The following HUWE1 variants were observed in gnomAD, a reference collection of about 807,000 sequenced individuals.
HUWE1 encodes the protein HECT, UBA and WWE domain containing E3 ubiquitin protein ligase 1, also known as E3 ubiquitin-protein ligase HUWE1.
Under a neutral mutation model 299.4 loss-of-function variants are expected in HUWE1, and 18 were observed. The ratio of observed to expected loss-of-function variants is 0.06; its 90% CI spans 0.04 to 0.09. HUWE1 has a LOEUF of 0.09. Ranked by LOEUF, HUWE1 falls within the 10% of genes least tolerant of loss-of-function variation. The probability of loss-of-function intolerance (pLI) is 1.00; values close to 1 mark genes in which losing one functional copy is unlikely to be tolerated. For synonymous variants in HUWE1, 1,317 were observed against 1,286.1 expected, an observed-to-expected ratio of 1.02 and a Z score of -0.51; for missense variants, 1,832 against 3,462.3, an observed-to-expected ratio of 0.53 and a Z score of 11.82.
chrX:53,609,321 C>T (rs1253950216), intron 23 of HUWE1, among the ~76,000 whole-genome samples: 2 of 112,192 alleles, frequency 1.8e-5, no homozygotes, highest in African/African-American at 6.5e-5. Context: ...CACATGAGAA[C>T]ACTAAAAATA....
At chrX:53,575,072 C>T in intron 46 of HUWE1, 83 bp downstream of exon 46, 1 of 669,164 alleles carries the variant, frequency 1.5e-6, no homozygotes, top group Non-Finnish European at 2.4e-6. Context: ...TATTCTCCTA[C>T]CCCCTGCACA....
In HUWE1 at chrX:53,677,187, G is replaced by C. The variant is rs781858136; in HGVS notation, c.-25+2862C>G. 1.1e-4 allele frequency among the ~76,000 whole-genome samples: 11 copies of C among 100,308 alleles called. No homozygotes were observed. In the South Asian group the frequency reaches 5.0e-3, roughly 46 times the overall value. The allele number at this position is 100,308 out of a possible 115,157, so 87.1% of individuals were successfully genotyped here. On this transcript the variant is annotated intron_variant, in intron 3 of 83. Transcript: ENST00000262854. ...TGCAGGAAATAGAGAAGTATCACCT[G>C]GGAACTTATCAGAAATGCAAAATCT... is the stretch of plus-strand genomic sequence containing the variant.
chrX:53,598,241 T>C (rs1441328432), intron 29 of HUWE1, among the ~76,000 whole-genome samples: 2 of 112,071 alleles, frequency 1.8e-5, no homozygotes, highest in African/African-American at 6.5e-5. Context: ...AGAATACTTT[T>C]GACTTTTTAT....
intron 26 of HUWE1, among the ~76,000 whole-genome samples, chrX:53,604,341 A>C (rs1375832695): frequency 2.7e-5 from 3 of 112,029 alleles, no homozygotes; most frequent in African/African-American, 9.7e-5. Flanking sequence ...CTAAGGCCAG[A>C]TGAATACCCA....
At chrX:53,601,453 G>C (rs183084783) in intron 28 of HUWE1, among the ~76,000 whole-genome samples, 1 of 110,465 alleles carries the variant, frequency 9.1e-6, no homozygotes, top group African/African-American at 3.3e-5. Flanking sequence ...CAAAGTGTTG[G>C]GATTAGAGAC....
intron 58 of HUWE1, 44 bp from the exon 59 acceptor site, chrX:53,558,853 A>G (rs1556938000): frequency 8.3e-7 from 1 of 1,201,913 alleles, no homozygotes; most frequent in South Asian, 1.8e-5. Context: ...TGGTGGGGTC[A>G]GGGAGGAAGC....
intron 13 of HUWE1, 123 bp downstream of exon 13, chrX:53,629,393 T>G (rs782538543): frequency 3.9e-5 from 20 of 514,590 alleles, no homozygotes; most frequent in Non-Finnish European, 6.6e-5. Flanking sequence ...TTGGGTCCCA[T>G]GCCCAAGATG....
chrX:53,598,032 C>G (rs377458049), intron 29 of HUWE1, among the ~76,000 whole-genome samples: 9 of 111,594 alleles, frequency 8.1e-5, no homozygotes, highest in East Asian at 2.8e-4. Context: ...AAAAAAAGGT[C>G]ATGGGTGAAG....
At chrX:53,555,350 CAG>C (rs1556933543) in intron 60 of HUWE1, among the ~76,000 whole-genome samples, 2 of 111,574 alleles carry the variant, frequency 1.8e-5, no homozygotes, top group African/African-American at 6.5e-5. Context: ...TTTTTGGAGA[CAG>C]GGTCTCACTG....
intron 58 of HUWE1, 49 bp downstream of exon 58, chrX:53,558,922 C>T: frequency 8.5e-7 from 1 of 1,176,828 alleles, no homozygotes; most frequent in African/African-American, 1.8e-5. Context: ...CACGTTTGCC[C>T]TAGCTCTGGA....
At chrX:53,601,355 T>C (rs2064827860) in intron 28 of HUWE1, among the ~76,000 whole-genome samples, 1 of 109,272 alleles carries the variant, frequency 9.2e-6, no homozygotes, top group Non-Finnish European at 1.9e-5. Context: ...CTAATTTTTG[T>C]ATTTTTTTTG....
intron 2 of HUWE1, among the ~76,000 whole-genome samples, chrX:53,681,448 A>G (rs1420963417): frequency 9.1e-6 from 1 of 109,633 alleles, no homozygotes; most frequent in African/African-American, 3.3e-5. Context: ...AAAAAAAAAA[A>G]GTAAGGAAAA....
intron 16 of HUWE1, 101 bp downstream of exon 16, chrX:53,627,638 C>G: frequency 1.1e-6 from 1 of 894,252 alleles, no homozygotes; most frequent in South Asian, 2.3e-5. Flanking sequence ...TTTCTAGAAA[C>G]AGAAGAGACT....
At chrX:53,680,332 TA>T (rs1311427403) in intron 2 of HUWE1, 146 bp from the exon 3 acceptor site, 5 of 268,853 alleles carry the variant, frequency 1.9e-5, no homozygotes, top group Non-Finnish European at 3.3e-5. Flanking sequence ...TTGCATTTTT[TA>T]GGACCTGCTT....
chrX:53,593,003 A>G (rs2064247439), intron 32 of HUWE1, among the ~76,000 whole-genome samples: 1 of 112,140 alleles, frequency 8.9e-6, no homozygotes, highest in Non-Finnish European at 1.9e-5. Context: ...ACCTTCCGCC[A>G]TGACTGTGAA....
rs782305025 is a variant in HUWE1, at chrX:53,593,353, T to G, written c.3741+11A>C. 1 of 1,096,405 alleles carries G rather than the reference T, an allele frequency of 9.1e-7. No homozygotes were observed. The highest frequency in any genetic ancestry group is 1.8e-5 in the African/African-American group (1 of 55,119). The allele number at this position is 1,096,405 out of a possible 1,213,427, so 90.4% of individuals were successfully genotyped here. A position where few individuals can be genotyped will look rare whatever the true frequency, so the allele number is the denominator to read the frequency against. On this transcript the variant is annotated intron_variant, in intron 32 of 83. Transcript: ENST00000262854. Reference sequence around the variant, plus strand: ...GAAATTCCTTTTGATTTTAGAATACTGAATACTCACTTTCTGAGTTACCAC... The same window carrying G: ...GAAATTCCTTTTGATTTTAGAATACGGAATACTCACTTTCTGAGTTACCAC...
intron 24 of HUWE1, 141 bp downstream of exon 24, chrX:53,608,711 C>T (rs2065278854): frequency 3.8e-6 from 2 of 522,576 alleles, no homozygotes; most frequent in Admixed American, 5.2e-5. Context: ...AGAACAAAAA[C>T]AAAAGGGTGG....
intron 7 of HUWE1, among the ~76,000 whole-genome samples, chrX:53,636,370 T>C (rs1051161718): frequency 8.0e-5 from 9 of 112,485 alleles, no homozygotes; most frequent in African/African-American, 2.9e-4. Context: ...ACTAGGGAAG[T>C]TTAAGGCAAT....
In HUWE1 at chrX:53,554,444, T is replaced by C. The variant is rs782458176; in HGVS notation, c.8494+189A>G. On this transcript the variant is annotated intron_variant, in intron 61 of 83. Transcript: ENST00000262854. ...CTGTTGGTATCATCACCAATATCATTAGACATTCAACTATCACCAGTTCAG... is the reference window on the plus strand; with the variant it reads ...CTGTTGGTATCATCACCAATATCATCAGACATTCAACTATCACCAGTTCAG... Among the ~76,000 whole-genome samples, 46 of 111,346 alleles carry C rather than the reference T, an allele frequency of 4.1e-4. No homozygotes were observed. In the South Asian group the frequency reaches 0.016, roughly 39 times the overall value.
Sources: allele counts gnomAD v4.1 joint callset (sites outside exome capture counted in the v4.1 genomes callset), GRCh38; gene constraint gnomAD v4.1.1; transcripts MANE v1.5; gene names NCBI Gene and HGNC (gene_info 2026-07-23, HGNC 2026-07-21).